The following SPOP variants were observed in gnomAD, a reference collection of about 807,000 sequenced individuals.
SPOP encodes speckle-type POZ protein.
SPOP carries 11 observed loss-of-function variants against 45.6 expected under a neutral mutation model. That is an observed-to-expected ratio of 0.24 (90% confidence interval 0.15 to 0.40). The LOEUF is 0.40. Ranked by LOEUF, SPOP falls within the 10% of genes least tolerant of loss-of-function variation. The pLI is 1.00. For missense variants in SPOP, 152 were observed against 465.6 expected, an observed-to-expected ratio of 0.33 and a Z score of 6.20; for synonymous variants, 166 against 166.3, an observed-to-expected ratio of 1.00 and a Z score of 0.01.
intron 8 of SPOP, 73 bp downstream of exon 8, chr17:49,607,177 T>C (rs1042502366): frequency 1.2e-5 from 19 of 1,601,992 alleles, no homozygotes; most frequent in Admixed American, 1.7e-5. Context: ...CAATGCAACA[T>C]AGAATCCTGT....
intron 1 of SPOP, among the ~76,000 whole-genome samples, chr17:49,632,493 TTC>T (rs1303282723): frequency 6.6e-6 from 1 of 151,642 alleles, no homozygotes; most frequent in Non-Finnish European, 1.5e-5. Context: ...AGTTAAATTC[TTC>T]TTTTTTTTTT....
intron 1 of SPOP, among the ~76,000 whole-genome samples, chr17:49,666,712 CA>C (rs926304954): frequency 6.6e-6 from 1 of 152,048 alleles, no homozygotes; most frequent in African/African-American, 2.4e-5. Context: ...CCTGTAATCC[CA>C]GCTACTTGAG....
At position 49,654,629 on chromosome 17, in the gene SPOP, C is replaced by T. The variant is rs528657713; in HGVS notation, c.-67+23304G>A. On this transcript the variant is annotated intron_variant, in intron 1 of 9. Transcript: ENST00000504102. ...GCAAAACCCTGTCTCTACTAAAATA[C>T]AAAAAATTAGCCGGGCGTGGTGGTA... 3.0e-4 allele frequency among the ~76,000 whole-genome samples: 46 copies of T among 152,066 alleles called. 1 individual carries two copies. The South Asian group carries it at 8.3e-3, about 27-fold the overall frequency.
chr17:49,673,581 T>G (rs963331035), intron 1 of SPOP, among the ~76,000 whole-genome samples: 11 of 152,304 alleles, frequency 7.2e-5, no homozygotes, highest in Non-Finnish European at 1.5e-4. Flanking sequence ...AACTGTTGAA[T>G]CTAAGTGATG....
intron 1 of SPOP, among the ~76,000 whole-genome samples, chr17:49,652,098 C>T (rs2072850750): frequency 6.6e-6 from 1 of 152,014 alleles, no homozygotes; most frequent in African/African-American, 2.4e-5. Flanking sequence ...ATCTGAAATG[C>T]TCCAAAATCC....
chr17:49,620,135 G>A (rs1172683029), intron 3 of SPOP, among the ~76,000 whole-genome samples: 4 of 147,994 alleles, frequency 2.7e-5, no homozygotes, highest in South Asian at 2.2e-4. Context: ...ACACCACTAC[G>A]CTCCAGCCTG....
In SPOP at chr17:49,607,450, G is replaced by A. The variant is rs566311218; in HGVS notation, c.715-78C>T. The A allele has an allele frequency of 3.3e-6, 5 of 1,528,560 alleles. No homozygotes were observed. In the Admixed American group the frequency reaches 6.0e-5, roughly 18 times the overall value. The allele number at this position is 1,528,560 out of a possible 1,614,324, so 94.7% of individuals were successfully genotyped here. A position where few individuals can be genotyped will look rare whatever the true frequency, so the allele number is the denominator to read the frequency against. ...AACTAAACTATTTTCATGATTTTAA[G>A]CTCTAGTGAGGAGAGAACTTTGTAT... is the stretch of plus-strand genomic sequence containing the variant. On this transcript the variant is annotated intron_variant, in intron 7 of 9. Coordinates refer to ENST00000504102, the MANE Select transcript of SPOP (RefSeq NM_001007228.2).
chr17:49,670,549 T>C (rs2073123508), intron 1 of SPOP, among the ~76,000 whole-genome samples: 1 of 152,242 alleles, frequency 6.6e-6, no homozygotes, highest in Admixed American at 6.5e-5. Context: ...ATTACTCAAA[T>C]ACCACTACAT....
At chr17:49,673,666 GA>G (rs2073165746) in intron 1 of SPOP, among the ~76,000 whole-genome samples, 1 of 151,816 alleles carries the variant, frequency 6.6e-6, no homozygotes, top group Non-Finnish European at 1.5e-5. Context: ...ACCATTATAC[GA>G]AAAAAGAAAA....
chr17:49,622,417 T>C, intron 2 of SPOP: 1 of 515,614 alleles, frequency 1.9e-6, no homozygotes, highest in Non-Finnish European at 3.5e-6. Flanking sequence ...TTGATGTCAC[T>C]GCCTGGGGTT....
chr17:49,654,531 C>T (rs1002158111), intron 1 of SPOP, among the ~76,000 whole-genome samples: 20 of 152,040 alleles, frequency 1.3e-4, no homozygotes, highest in African/African-American at 4.8e-4. Context: ...TTTAAAGAGA[C>T]AGTAGCACTT....
rs2072159760 is a variant in SPOP, at chr17:49,619,151, A to T, written c.353-43T>A. ...AAAGTCATATTTAAGGTTACGCAAA[A>T]ACCAGATCAAAGCCACAACTTGTCA... On this transcript the variant is annotated intron_variant, in intron 4 of 9. Coordinates refer to ENST00000504102, the MANE Select transcript of SPOP (RefSeq NM_001007228.2). This position sits in a 1 kb window ranked among gnomAD's most constrained non-coding sequence, Gnocchi z 4.9. 2 of 1,613,512 alleles carry T rather than the reference A, an allele frequency of 1.2e-6. No individual in the cohort carries two copies. The highest frequency in any genetic ancestry group is 1.7e-6 in the Non-Finnish European group (2 of 1,179,792).
intron 1 of SPOP, among the ~76,000 whole-genome samples, chr17:49,665,684 A>C (rs1429971248): frequency 7.4e-6 from 1 of 135,248 alleles, no homozygotes. Context: ...ACACACACAC[A>C]CACACACACA....
At chr17:49,649,861 G>A (rs2072817567) in intron 1 of SPOP, among the ~76,000 whole-genome samples, 1 of 151,934 alleles carries the variant, frequency 6.6e-6, no homozygotes, top group Non-Finnish European at 1.5e-5. Context: ...GAAACCACTA[G>A]TTTCTTACTT....
At chr17:49,624,335 A>ACG (rs944351972) in intron 1 of SPOP, among the ~76,000 whole-genome samples, 1 of 81,734 alleles carries the variant, frequency 1.2e-5, no homozygotes, top group African/African-American at 4.1e-5. Context: ...GCGCGCGCAC[A>ACG]CACACACACA....
intron 7 of SPOP, among the ~76,000 whole-genome samples, 171 bp downstream of exon 7, chr17:49,607,703 T>C (rs898146170): frequency 7.9e-5 from 12 of 152,136 alleles, no homozygotes; most frequent in Non-Finnish European, 1.6e-4. Context: ...CAATCTGCTT[T>C]ACCCATAATA....
intron 1 of SPOP, among the ~76,000 whole-genome samples, chr17:49,642,482 ACT>A (rs995589138): frequency 3.9e-5 from 6 of 152,106 alleles, no homozygotes; most frequent in Non-Finnish European, 5.9e-5. Context: ...ACAGAGTGAG[ACT>A]CTGTCTCAAA....
intron 1 of SPOP, chr17:49,645,993 A>G (rs951168778): frequency 5.3e-5 from 8 of 152,138 alleles, no homozygotes; most frequent in African/African-American, 1.9e-4. Flanking sequence ...CCACAGCCCA[A>G]AGGTCAAATA....
intron 1 of SPOP, among the ~76,000 whole-genome samples, chr17:49,655,500 G>A (rs769210219): frequency 6.6e-6 from 1 of 151,194 alleles, no homozygotes; most frequent in Non-Finnish European, 1.5e-5. Flanking sequence ...GACAGAGCGA[G>A]ACTCCGTCTC....
Sources: allele counts gnomAD v4.1 joint callset (sites outside exome capture counted in the v4.1 genomes callset), GRCh38; gene constraint gnomAD v4.1.1; non-coding constraint Gnocchi (gnomAD v3.1); transcripts MANE v1.5; gene names NCBI Gene and HGNC (gene_info 2026-07-23, HGNC 2026-07-21).